TNNI3K: variants seen among roughly 807,000 people sequenced by gnomAD.
The protein encoded by TNNI3K is serine/threonine-protein kinase TNNI3K.
A neutral mutation model predicts 114.5 loss-of-function variants in TNNI3K; 140 were observed. The observed-to-expected ratio is 1.22, with a 90% confidence interval of 1.07 to 1.41. TNNI3K has a LOEUF of 1.41. Ranked by LOEUF, TNNI3K falls within the 40% of genes most tolerant of loss-of-function variation. The pLI is 0.00. For synonymous variants in TNNI3K, 347 were observed against 347.5 expected, an observed-to-expected ratio of 1.00 and a Z score of 0.02; for missense variants, 1,125 against 1,007.6, an observed-to-expected ratio of 1.12 and a Z score of -1.58.
intron 5 of TNNI3K, among the ~76,000 whole-genome samples, chr1:74,293,469 A>G (rs752896677): frequency 2.0e-5 from 3 of 151,610 alleles, no homozygotes; most frequent in African/African-American, 4.8e-5. Context: ...TTAAAATCAG[A>G]TTGGTAATTC....
intron 5 of TNNI3K, among the ~76,000 whole-genome samples, chr1:74,286,751 G>C (rs1657357203): frequency 6.6e-6 from 1 of 152,084 alleles, no homozygotes; most frequent in Non-Finnish European, 1.5e-5. Flanking sequence ...TCTGGTGAAG[G>C]GCTTTCCTTG....
At chr1:74,476,160 A>C (rs1040816384) in intron 21 of TNNI3K, among the ~76,000 whole-genome samples, 9 of 152,166 alleles carry the variant, frequency 5.9e-5, no homozygotes, top group Admixed American at 5.2e-4. Context: ...ATGAACTCTC[A>C]TAATAGAGTG....
chr1:74,445,365 C>A lies in TNNI3K; in HGVS notation c.2011+5743C>A, dbSNP rs1287442267. Among the ~76,000 whole-genome samples the A allele has an allele frequency of 3.9e-4, 37 of 94,228 alleles. 1 individual carries two copies. The highest frequency in any genetic ancestry group is 1.5e-3 in the African/African-American group (36 of 24,468). The allele number at this position is 94,228 out of a possible 152,430, so 61.8% of individuals were successfully genotyped here. A position where few individuals can be genotyped will look rare whatever the true frequency, so the allele number is the denominator to read the frequency against. On this transcript the variant is annotated intron_variant, in intron 20 of 24. Coordinates refer to ENST00000326637, the MANE Select transcript of TNNI3K (RefSeq NM_015978.3). ...AGGTATATCTCCCAATGCTATCCCT[C>A]CCCCCTCCCCCCACCCCACAACAGT...
At chr1:74,504,654 A>G (rs1669799456) in intron 23 of TNNI3K, among the ~76,000 whole-genome samples, 1 of 152,054 alleles carries the variant, frequency 6.6e-6, no homozygotes, top group South Asian at 2.1e-4. Context: ...AAATTTAAGT[A>G]CCTGGATTTA....
At chr1:74,431,573 C>T (rs1486488341) in intron 17 of TNNI3K, among the ~76,000 whole-genome samples, 1 of 152,056 alleles carries the variant, frequency 6.6e-6, no homozygotes. Context: ...AGAACCTCAG[C>T]CCAAGTCCTA....
chr1:74,390,162 T>G (rs1450354882), intron 17 of TNNI3K, among the ~76,000 whole-genome samples: 1 of 152,168 alleles, frequency 6.6e-6, no homozygotes, highest in East Asian at 1.9e-4. Context: ...ACTGGATTCT[T>G]TAATTCAGTG....
intron 17 of TNNI3K, chr1:74,372,146 A>G (rs185029321): frequency 1.3e-5 from 2 of 151,460 alleles, no homozygotes; most frequent in Non-Finnish European, 1.5e-5. Flanking sequence ...AAGAATTTAC[A>G]TAAATAATAT....
At chr1:74,324,594 T>C (rs927358396) in intron 5 of TNNI3K, among the ~76,000 whole-genome samples, 16 of 152,058 alleles carry the variant, frequency 1.1e-4, no homozygotes, top group Admixed American at 6.6e-4. Flanking sequence ...TAAGATAAAC[T>C]TACAGATCTC....
At position 74,254,476 on chromosome 1, in the gene TNNI3K, G is replaced by A. The variant is rs114282725; in HGVS notation, c.333+3707G>A. Among the ~76,000 whole-genome samples, 473 of 152,052 alleles carry A rather than the reference G, an allele frequency of 3.1e-3. 2 individuals carry two copies. The highest frequency in any genetic ancestry group is 0.011 in the African/African-American group (448 of 41,474). ...CTTACTCTGAAAGAATTTCTCACCCGATCCTTGTATTTTTTTATCTTAATA... is the reference window on the plus strand; with the variant it reads ...CTTACTCTGAAAGAATTTCTCACCCAATCCTTGTATTTTTTTATCTTAATA... On this transcript the variant is annotated intron_variant, in intron 4 of 24. Coordinates refer to ENST00000326637, the MANE Select transcript of TNNI3K (RefSeq NM_015978.3).
intron 23 of TNNI3K, among the ~76,000 whole-genome samples, chr1:74,517,648 G>T (rs1177607357): frequency 6.6e-6 from 1 of 152,134 alleles, no homozygotes; most frequent in Non-Finnish European, 1.5e-5. Flanking sequence ...CCTCAATTAG[G>T]TTCTATTTCA....
chr1:74,247,298 G>T (rs543230210), intron 2 of TNNI3K, among the ~76,000 whole-genome samples: 5 of 152,138 alleles, frequency 3.3e-5, no homozygotes, highest in Non-Finnish European at 7.4e-5. Flanking sequence ...TGTTCCTCCC[G>T]TCCGGAGTTG....
At chr1:74,471,144 A>T (rs889423795) in intron 21 of TNNI3K, 1 of 400,596 alleles carries the variant, frequency 2.5e-6, no homozygotes, top group Non-Finnish European at 4.4e-6. Flanking sequence ...CAGCTGAGTA[A>T]CAGCTGCTTT....
chr1:74,299,846 C>A (rs1022460666), intron 5 of TNNI3K, among the ~76,000 whole-genome samples: 1 of 152,020 alleles, frequency 6.6e-6, no homozygotes, highest in Admixed American at 6.6e-5. Flanking sequence ...TGTATGTTAT[C>A]TTCTAGAGCA....
rs1358385423 is a variant in TNNI3K, at chr1:74,473,193, A to T, written c.2121+9643A>T. Among the ~76,000 whole-genome samples the T allele has an allele frequency of 4.6e-5, 7 of 152,262 alleles. No homozygotes were observed. In the East Asian group the frequency reaches 9.6e-4, roughly 21 times the overall value. On this transcript the variant is annotated intron_variant, in intron 21 of 24. Coordinates refer to ENST00000326637, the MANE Select transcript of TNNI3K (RefSeq NM_015978.3). Reference sequence around the variant, plus strand: ...ACGTTCATCATCTCTTTTAATATTCACAAGAGACGTGATCCATTGGACAGA... The same window carrying T: ...ACGTTCATCATCTCTTTTAATATTCTCAAGAGACGTGATCCATTGGACAGA...
chr1:74,355,341 C>T lies in TNNI3K; in HGVS notation c.1177+1212C>T, dbSNP rs183208908. 2.1e-3 allele frequency among the ~76,000 whole-genome samples: 326 copies of T among 152,254 alleles called. 2 individuals are homozygous for T. The highest frequency in any genetic ancestry group is 0.01 in the Middle Eastern group (3 of 294). ...GGGATATGGGCCAGGCGCGGTGGCT[C>T]ATGCCTGTAATCCCAACACTTTGGG... On this transcript the variant is annotated intron_variant, in intron 11 of 24. Transcript: ENST00000326637.
intron 21 of TNNI3K, among the ~76,000 whole-genome samples, chr1:74,466,478 G>A (rs1391813195): frequency 1.3e-5 from 2 of 152,142 alleles, no homozygotes; most frequent in Non-Finnish European, 2.9e-5. Context: ...TTAAAAAAAA[G>A]AAAGGATAAA....
chr1:74,262,271 C>G (rs12118620), intron 4 of TNNI3K, among the ~76,000 whole-genome samples: 5,254 of 152,118 alleles, frequency 0.035, 137 homozygotes, highest in Non-Finnish European at 0.055. Flanking sequence ...TTAGCAGCAT[C>G]CCTGTCCTCT....
chr1:74,419,577 T>C (rs1047494629), intron 17 of TNNI3K, among the ~76,000 whole-genome samples: 1 of 152,056 alleles, frequency 6.6e-6, no homozygotes, highest in East Asian at 1.9e-4. Flanking sequence ...GTGTTTGTGA[T>C]GTGTGTACAT....
chr1:74,271,788 G>A (rs1656369500), intron 5 of TNNI3K, 80 bp downstream of exon 5: 2 of 1,218,748 alleles, frequency 1.6e-6, no homozygotes, highest in East Asian at 2.5e-5. Context: ...TTGAAATACT[G>A]TCTTTGAGAC....
Sources: allele counts gnomAD v4.1 joint callset (sites outside exome capture counted in the v4.1 genomes callset), GRCh38; gene constraint gnomAD v4.1.1; transcripts MANE v1.5; gene names NCBI Gene and HGNC (gene_info 2026-07-23, HGNC 2026-07-21).